The following TAF5L variants were observed in gnomAD, a reference collection of about 807,000 sequenced individuals.
TAF5L encodes the protein TAF5-like RNA polymerase II p300/CBP-associated factor-associated factor 65 kDa subunit 5L.
A neutral mutation model predicts 51.3 loss-of-function variants in TAF5L; 7 were observed. The ratio of observed to expected loss-of-function variants is 0.14; its 90% CI spans 0.08 to 0.26. The LOEUF (loss-of-function observed/expected upper bound fraction) is 0.26. Among genes scored for constraint, TAF5L ranks in the 10% least tolerant of loss-of-function variants. The pLI is 1.00. For synonymous variants in TAF5L, 291 were observed against 308.1 expected, an observed-to-expected ratio of 0.94 and a Z score of 0.58; for missense variants, 575 against 758.9, an observed-to-expected ratio of 0.76 and a Z score of 2.85.
intron 3 of TAF5L, among the ~76,000 whole-genome samples, chr1:229,608,205 T>C (rs1327727816): frequency 1.3e-5 from 2 of 152,190 alleles, no homozygotes; most frequent in Admixed American, 1.3e-4. Context: ...ATATTTACTA[T>C]AGTCTACAGT....
At chr1:229,626,007 C>T (rs1665449375) in exon 1 of TAF5L, 1 of 149,030 alleles carries the variant, frequency 6.7e-6, no homozygotes, top group Non-Finnish European at 1.5e-5. Flanking sequence ...GGCCCCCGCG[C>T]CCCGCGCCCC....
intron 4 of TAF5L, chr1:229,599,831 A>T: frequency 4.1e-6 from 4 of 985,474 alleles, no homozygotes; most frequent in Non-Finnish European, 4.8e-6. Context: ...CACCGTTTCA[A>T]ATACTGTAGA....
At chr1:229,614,385 A>T (rs756563867) in exon 2 of TAF5L, 4 of 1,614,118 alleles carry the variant, frequency 2.5e-6, no homozygotes, top group Non-Finnish European at 3.4e-6. Context: ...TGACAGCCGC[A>T]GTCCTTGCTT....
chr1:229,610,085 G>T, intron 3 of TAF5L, 21 bp downstream of exon 3: 1 of 1,608,986 alleles, frequency 6.2e-7, no homozygotes, highest in Non-Finnish European at 8.5e-7. Flanking sequence ...AAAAGAAAAG[G>T]TTCTAGAGCT....
chr1:229,594,683 T>C lies in TAF5L; in HGVS notation c.1384A>G (p.Arg462Gly). The change falls in exon 5 of 5, where the codon AGG becomes GGG. Residue 462 changes from arginine (R) to glycine (G), a missense_variant. Physicochemically the swap from Arg to Gly is moderately radical, Grantham distance 125. This residue lies in a region of TAF5L where 104 missense variants were observed against 218.3 expected (regional missense o/e 0.48). Coordinates refer to ENST00000258281, the Ensembl canonical transcript of TAF5L. The surrounding 1 kb of genome is among the most constrained non-coding windows in gnomAD (Gnocchi z 7.9). ...GGGCCACGGTGGCCTGTGAAAAGCCTCACCGAGTTCCCCTGCTGAGCGCTC... is the reference window on the plus strand; with the variant it reads ...GGGCCACGGTGGCCTGTGAAAAGCCCCACCGAGTTCCCCTGCTGAGCGCTC... The C allele has an allele frequency of 6.2e-7, 1 of 1,614,132 alleles. No individual in the cohort carries two copies. Among genetic ancestry groups the C allele is most frequent in the Non-Finnish European group, 8.5e-7 (1 of 1,180,012 alleles).
At chr1:229,618,434 C>A (rs1665084527) in intron 1 of TAF5L, among the ~76,000 whole-genome samples, 1 of 152,190 alleles carries the variant, frequency 6.6e-6, no homozygotes, top group Non-Finnish European at 1.5e-5. Flanking sequence ...CAATGTATAT[C>A]TATTCTCATG....
intron 3 of TAF5L, among the ~76,000 whole-genome samples, chr1:229,609,306 C>T (rs1369122550): frequency 1.3e-5 from 2 of 152,070 alleles, no homozygotes; most frequent in Non-Finnish European, 2.9e-5. Flanking sequence ...ACATTACATA[C>T]ATTTTTGTAT....
chr1:229,599,801 G>A, intron 4 of TAF5L: 1 of 982,952 alleles, frequency 1.0e-6, no homozygotes, highest in Non-Finnish European at 1.2e-6. Context: ...ATGTCTAGAA[G>A]TGGAATTGCT....
At position 229,601,957 on chromosome 1, in the gene TAF5L, C is replaced by T. The variant is rs796166793; in HGVS notation, c.972+238G>A. On this transcript the variant is annotated intron_variant, in intron 4 of 4. Coordinates refer to ENST00000258281, the Ensembl canonical transcript of TAF5L. The stretch of plus-strand genomic sequence containing the variant: ...GCTTAGTGTTGCTATCCACATTTCA[C>T]ATAGTATAAATACTGACCATTCATT... The T allele has an allele frequency of 2.8e-5, 36 of 1,295,760 alleles. No homozygotes were observed. In the African/African-American group the frequency reaches 4.3e-4, roughly 16 times the overall value. The allele number at this position is 1,295,760 out of a possible 1,614,324, so 80.3% of individuals were successfully genotyped here. A position where few individuals can be genotyped will look rare whatever the true frequency, so the allele number is the denominator to read the frequency against.
At position 229,602,297 on chromosome 1, in the gene TAF5L, G is replaced by T; in HGVS notation, c.870C>A (p.Ser290=). The T allele has an allele frequency of 1.8e-5, 29 of 1,614,160 alleles. No individual in the cohort carries two copies. The highest frequency in any genetic ancestry group is 2.4e-5 in the Non-Finnish European group (28 of 1,180,030). The change falls in exon 4 of 5, where the codon TCC becomes TCA. Residue 290 remains serine (S), a synonymous_variant. Coordinates refer to ENST00000258281, the Ensembl canonical transcript of TAF5L. The surrounding 1 kb of genome is among the most constrained non-coding windows in gnomAD (Gnocchi z 4.6). ...ATCGTAAACTCCAAAGTTTTATACA[G>T]GAGTTGTCAAACCCAGCAGCAAGCA...
intron 2 of TAF5L, among the ~76,000 whole-genome samples, chr1:229,610,619 C>G (rs1017281224): frequency 6.6e-6 from 1 of 152,218 alleles, no homozygotes. Context: ...TCTTCTAGTT[C>G]TGTGAAGTTT....
intron 2 of TAF5L, among the ~76,000 whole-genome samples, chr1:229,612,341 C>G (rs541394308): frequency 6.6e-6 from 1 of 152,302 alleles, no homozygotes; most frequent in Admixed American, 6.5e-5. Context: ...TTGTTCATTC[C>G]TACTTTCTAT....
chr1:229,603,991 T>A (rs1217624558), intron 3 of TAF5L, among the ~76,000 whole-genome samples: 1 of 152,220 alleles, frequency 6.6e-6, no homozygotes, highest in African/African-American at 2.4e-5. Context: ...TCCGTTACAT[T>A]CACTCAGTGT....
intron 2 of TAF5L, among the ~76,000 whole-genome samples, chr1:229,612,503 A>G (rs1236958182): frequency 1.3e-5 from 2 of 152,244 alleles, no homozygotes; most frequent in Non-Finnish European, 2.9e-5. Context: ...TAAGGCACTT[A>G]GTATTCTATA....
intron 4 of TAF5L, among the ~76,000 whole-genome samples, chr1:229,596,044 C>T (rs1289250259): frequency 6.6e-6 from 1 of 152,168 alleles, no homozygotes; most frequent in Non-Finnish European, 1.5e-5. Flanking sequence ...GAGGCCAAGG[C>T]AGGAGGATCA....
intron 1 of TAF5L, among the ~76,000 whole-genome samples, chr1:229,622,053 CTATCTATCTAT>C (rs1665223569): frequency 7.1e-6 from 1 of 141,058 alleles, no homozygotes; most frequent in Non-Finnish European, 1.5e-5. Context: ...ATCTATCTAT[CTATCTATCTAT>C]CTATACAGAT....
intron 4 of TAF5L, chr1:229,600,400 G>T: frequency 1.0e-6 from 1 of 985,444 alleles, no homozygotes; most frequent in Non-Finnish European, 1.2e-6. Flanking sequence ...AGCCAGAAAT[G>T]CTTAAACAAA....
Position 229,602,970 on chromosome 1 carries a change from AAC to A in TAF5L, c.248-53_248-52del. 1.3e-6 allele frequency: 2 copies of A among 1,521,450 alleles called. No individual in the cohort carries two copies. The highest frequency in any genetic ancestry group is 1.7e-6 in the Non-Finnish European group (2 of 1,146,330). The allele number at this position is 1,521,450 out of a possible 1,614,324, so 94.2% of individuals were successfully genotyped here. A position where few individuals can be genotyped will look rare whatever the true frequency, so the allele number is the denominator to read the frequency against. On this transcript the variant is annotated intron_variant, in intron 3 of 4. Coordinates refer to ENST00000258281, the Ensembl canonical transcript of TAF5L. This position sits in a 1 kb window ranked among gnomAD's most constrained non-coding sequence, Gnocchi z 4.6. ...TATAATCAGCATAATCTTACAGAAT[AAC>A]GTGATCCCTCCTGGGGATCACCACC... is the stretch of plus-strand genomic sequence containing the variant.
rs184881893 is a variant in TAF5L at position 229,613,273 on chromosome 1, T to C, written c.142+1068A>G. On this transcript the variant is annotated intron_variant, in intron 2 of 4. Coordinates refer to ENST00000258281, the Ensembl canonical transcript of TAF5L. Reference sequence around the variant, plus strand: ...TGAGCCTGGGAAGTTGAGGCTGCAGTGAGCTGTGACTGCATCACTGCATTC... The same window carrying C: ...TGAGCCTGGGAAGTTGAGGCTGCAGCGAGCTGTGACTGCATCACTGCATTC... Among the ~76,000 whole-genome samples the C allele has an allele frequency of 5.6e-3, 804 of 143,062 alleles. 6 individuals carry two copies. Among genetic ancestry groups the C allele is most frequent in the African/African-American group, 0.02 (761 of 38,038 alleles). 93.9% of individuals were successfully genotyped at this position (143,062 alleles called of 152,430 possible). A position where few individuals can be genotyped will look rare whatever the true frequency, so the allele number is the denominator to read the frequency against.
Sources: allele counts gnomAD v4.1 joint callset (sites outside exome capture counted in the v4.1 genomes callset), GRCh38; gene constraint gnomAD v4.1.1; regional missense constraint gnomAD v4.1.1; non-coding constraint Gnocchi (gnomAD v3.1); transcripts MANE v1.5; gene names NCBI Gene and HGNC (gene_info 2026-07-23, HGNC 2026-07-21).